WWC1: variants seen among roughly 807,000 people sequenced by gnomAD.
The protein encoded by WWC1 is protein KIBRA.
In WWC1, 55 loss-of-function variants were observed where a neutral mutation model predicts 138.4. The ratio of observed to expected loss-of-function variants is 0.40; its 90% confidence interval spans 0.32 to 0.50. WWC1 has a LOEUF of 0.50. WWC1 is among the 20% of genes least tolerant of loss of function. The pLI, the probability that WWC1 is intolerant of heterozygous loss-of-function variation, is 0.72. For synonymous variants in WWC1, 524 were observed against 564.9 expected (o/e 0.93, Z 1.03); for missense variants, 1,226 against 1,420.4 (o/e 0.86, Z 2.20).
At chr5:168,461,938 C>A (rs1397838839) in intron 20 of WWC1, among the ~76,000 whole-genome samples, 1 of 151,942 alleles carries the variant, frequency 6.6e-6, no homozygotes, top group Non-Finnish European at 1.5e-5. Flanking sequence ...TGCCTGTAAT[C>A]CCAGCTACTC....
intron 21 of WWC1, among the ~76,000 whole-genome samples, chr5:168,466,632 CCT>C (rs749608551): frequency 3.9e-5 from 6 of 152,090 alleles, no homozygotes; most frequent in African/African-American, 1.4e-4. Flanking sequence ...TTATTTATAC[CCT>C]GTTTACTTAT....
At chr5:168,319,472 G>T (rs1771879696) in intron 1 of WWC1, among the ~76,000 whole-genome samples, 2 of 152,060 alleles carry the variant, frequency 1.3e-5, no homozygotes. Context: ...ATTCTGTTAG[G>T]TACATACCCA....
chr5:168,414,492 G>C lies in WWC1; in HGVS notation c.1086G>C (p.Trp362Cys). 6.4e-7 allele frequency: 1 copy of C among 1,560,094 alleles called. No individual in the cohort carries two copies. The highest frequency in any genetic ancestry group is 1.2e-5 in the South Asian group (1 of 84,898). The change falls in exon 9 of 23, where the codon TGG becomes TGC. Residue 362 changes from tryptophan (W) to cysteine (C), a missense_variant. Trp to Cys is a radical substitution (Grantham distance 215, BLOSUM62 -2). Coordinates refer to ENST00000265293, the MANE Select transcript of WWC1 (RefSeq NM_015238.3). Reference protein sequence around the residue: ...KEMRFISPRKWTQGEVEQLEM... With the variant: ...KEMRFISPRKCTQGEVEQLEM... ...TGCGCTTCATCAGCCCCCGCAAGTG[G>C]ACCCAGGGGGAGGTGGAGCAGCTGG...
intron 17 of WWC1, among the ~76,000 whole-genome samples, chr5:168,450,378 T>G (rs576487966): frequency 1.3e-5 from 2 of 152,074 alleles, no homozygotes; most frequent in East Asian, 3.9e-4. Flanking sequence ...GTATAAAAAT[T>G]AATCTGTGGC....
intron 11 of WWC1, among the ~76,000 whole-genome samples, chr5:168,427,547 A>C (rs1322632843): frequency 1.0e-5 from 1 of 99,610 alleles, no homozygotes; most frequent in African/African-American, 4.5e-5. Context: ...ACTTTTTTTT[A>C]ATTTTTTTTT....
chr5:168,439,592 A>T (rs959903865), intron 15 of WWC1, among the ~76,000 whole-genome samples: 1 of 150,124 alleles, frequency 6.7e-6, no homozygotes, highest in Non-Finnish European at 1.5e-5. Flanking sequence ...ATGCCATTGC[A>T]CTCCAGCAGC....
intron 15 of WWC1, among the ~76,000 whole-genome samples, chr5:168,434,779 A>T (rs1782228428): frequency 6.6e-6 from 1 of 152,222 alleles, no homozygotes. Flanking sequence ...AATGCCCTGC[A>T]TGGCATCACA....
At chr5:168,415,458 A>G (rs1349907880) in intron 9 of WWC1, 1 of 152,100 alleles carries the variant, frequency 6.6e-6, no homozygotes, top group Non-Finnish European at 1.5e-5. Context: ...GTCTTTGTTT[A>G]TTTCCTTCAG....
At chr5:168,296,100 T>C (rs1769518032) in intron 1 of WWC1, among the ~76,000 whole-genome samples, 1 of 152,190 alleles carries the variant, frequency 6.6e-6, no homozygotes, top group African/African-American at 2.4e-5. Context: ...GCCAGCGTCC[T>C]GTGTATTTCA....
intron 9 of WWC1, among the ~76,000 whole-genome samples, chr5:168,420,301 G>T (rs906651815): frequency 6.6e-6 from 1 of 152,184 alleles, no homozygotes; most frequent in African/African-American, 2.4e-5. Context: ...CCCTTGGCTT[G>T]TAGGTGGCCT....
intron 17 of WWC1, among the ~76,000 whole-genome samples, chr5:168,447,793 TTCTC>T (rs71808762): frequency 1.3e-5 from 2 of 151,274 alleles, no homozygotes; most frequent in Admixed American, 1.3e-4. Flanking sequence ...CTCTCTTTCT[TTCTC>T]TCTCTCTGTC....
intron 3 of WWC1, among the ~76,000 whole-genome samples, chr5:168,391,850 A>T (rs973193532): frequency 1.3e-5 from 2 of 149,774 alleles, no homozygotes; most frequent in Non-Finnish European, 3.0e-5. Context: ...GCTGGAAAGC[A>T]GACAGACAGG....
intron 3 of WWC1, among the ~76,000 whole-genome samples, chr5:168,388,012 C>T (rs2152821378): frequency 6.6e-6 from 1 of 152,182 alleles, no homozygotes; most frequent in African/African-American, 2.4e-5. Context: ...TTTACATGGA[C>T]CCATAATCAC....
At chr5:168,338,957 A>G (rs1773741099) in intron 1 of WWC1, among the ~76,000 whole-genome samples, 1 of 152,220 alleles carries the variant, frequency 6.6e-6, no homozygotes, top group Non-Finnish European at 1.5e-5. Context: ...TCAAATAGCT[A>G]GGAGGAGGAT....
At position 168,385,473 on chromosome 5, in the gene WWC1, G is replaced by C. The variant is rs1004623751; in HGVS notation, c.433+59G>C. The C allele has an allele frequency of 3.9e-6, 6 of 1,551,376 alleles. No individual in the cohort carries two copies. The East Asian group carries it at 6.8e-5, about 18-fold the overall frequency. ...CACCAACAGAGAATGGCCACACTGA[G>C]TTCTGCCAATATTGCTTCTCAAGTC... On this transcript the variant is annotated intron_variant, in intron 3 of 22. Transcript: ENST00000265293.
Position 168,357,359 on chromosome 5 carries a change from C to T in WWC1, c.120-14065C>T, listed in dbSNP as rs1032264225. On this transcript the variant is annotated intron_variant, in intron 1 of 22. Transcript: ENST00000265293. ...TTTTTGGGCCAACTGGAAATTCATA[C>T]ATTCTCCCCAGCACTGGAGCTCAAA... 2.0e-5 allele frequency among the ~76,000 whole-genome samples: 3 copies of T among 150,908 alleles called. No individual in the cohort carries two copies. In the South Asian group the frequency reaches 6.3e-4, roughly 32 times the overall value.
chr5:168,346,993 C>G (rs1774530269), intron 1 of WWC1, among the ~76,000 whole-genome samples: 1 of 152,166 alleles, frequency 6.6e-6, no homozygotes, highest in African/African-American at 2.4e-5. Flanking sequence ...GGAGGAAATA[C>G]ACCTGCAGCT....
rs569082578 is a variant in WWC1, at chr5:168,467,934, G to A, written c.3245G>A (p.Cys1082Tyr). The change falls in exon 22 of 23, where the codon TGT (cysteine) becomes TAT (tyrosine). Residue 1082 changes from cysteine to tyrosine, a missense_variant. By Grantham distance (194) the Cys-to-Tyr change is radical. Transcript: ENST00000265293. Reference sequence around the variant, plus strand: ...GTGCACAGGCTCCGAGGCCAGAGCTGTAAGGAACCCCCAGAAGTTCAGTCT... The same window carrying A: ...GTGCACAGGCTCCGAGGCCAGAGCTATAAGGAACCCCCAGAAGTTCAGTCT... ...KDVHRLRGQS[C>Y]KEPPEVQSFR... The A allele has an allele frequency of 2.5e-6, 4 of 1,614,248 alleles. No homozygotes were observed. The African/African-American group carries it at 4.0e-5, about 16-fold the overall frequency.
rs549911346 is a variant in WWC1 at position 168,352,300 on chromosome 5, T to C, written c.120-19124T>C. 3.3e-5 allele frequency among the ~76,000 whole-genome samples: 5 copies of C among 152,342 alleles called. No individual in the cohort carries two copies. In the East Asian group the frequency reaches 9.6e-4, roughly 29 times the overall value. On this transcript the variant is annotated intron_variant, in intron 1 of 22. Coordinates refer to ENST00000265293, the MANE Select transcript of WWC1 (RefSeq NM_015238.3). Reference sequence around the variant, plus strand: ...CCACTTAGTATGTCTTTGGCAAATATTTCCTTTGCCTGGGTGGCTTCTGCT... The same window carrying C: ...CCACTTAGTATGTCTTTGGCAAATACTTCCTTTGCCTGGGTGGCTTCTGCT...
Sources: gnomAD v4.1 joint callset for allele counts (sites outside exome capture counted in the v4.1 genomes callset) on GRCh38, gnomAD v4.1.1 for gene constraint, MANE v1.5 for transcripts, NCBI Gene and HGNC (gene_info 2026-07-23, HGNC 2026-07-21) for gene names.